The following CDH13 variants were observed in gnomAD, a reference collection of about 807,000 sequenced individuals.
CDH13 encodes the protein cadherin-13.
A neutral mutation model predicts 63.8 loss-of-function variants in CDH13; 24 were observed. The observed-to-expected ratio is 0.38, with a 90% confidence interval of 0.27 to 0.53. The LOEUF is 0.53. Ranked by LOEUF, CDH13 falls within the 20% of genes least tolerant of loss-of-function variation. The probability of loss-of-function intolerance (pLI) is 0.85; values close to 1 mark genes in which losing one functional copy is unlikely to be tolerated. For missense variants in CDH13, 1,049 were observed against 903.1 expected (o/e 1.16, Z -2.07); for synonymous variants, 503 against 355.3 (o/e 1.42, Z -4.67).
rs1409386291 is a variant in CDH13, at chr16:83,799,671, T to C, written c.*4641T>C. On this transcript the variant is annotated 3_prime_UTR_variant, in exon 14 of 14. Transcript: ENST00000567109. Reference sequence around the variant, plus strand: ...ATCTTTCATAAAGACCTCCATCTTCTCTCCTTAACTGACTGTTGAGATTTG... The same window carrying C: ...ATCTTTCATAAAGACCTCCATCTTCCCTCCTTAACTGACTGTTGAGATTTG... 1 of 152,218 alleles carries C rather than the reference T, an allele frequency of 6.6e-6. No individual in the cohort carries two copies. Among genetic ancestry groups the C allele is most frequent in the Non-Finnish European group, 1.5e-5 (1 of 68,044 alleles). The allele number at this position is 152,218 out of a possible 1,614,324, so 9.4% of individuals were successfully genotyped here. A position where few individuals can be genotyped will look rare whatever the true frequency, so the allele number is the denominator to read the frequency against.
chr16:83,434,453 C>T (rs148149592), intron 6 of CDH13, among the ~76,000 whole-genome samples: 206 of 152,208 alleles, frequency 1.4e-3, no homozygotes, highest in Admixed American at 4.6e-3. Flanking sequence ...GTGGTCCAGC[C>T]CTGCCACCTC....
intron 2 of CDH13, among the ~76,000 whole-genome samples, chr16:82,919,329 T>C (rs548822092): frequency 2.8e-4 from 43 of 152,286 alleles, no homozygotes; most frequent in African/African-American, 1.0e-3. Flanking sequence ...TAGTATCCAA[T>C]AGTTATTTTT....
intron 7 of CDH13, among the ~76,000 whole-genome samples, chr16:83,516,948 G>A (rs2151612902): frequency 6.6e-6 from 1 of 152,292 alleles, no homozygotes; most frequent in South Asian, 2.1e-4. Flanking sequence ...TGGCGGGAGT[G>A]AGAGCAAAAA....
At chr16:83,130,431 A>G (rs924119680) in intron 4 of CDH13, among the ~76,000 whole-genome samples, 3 of 152,228 alleles carry the variant, frequency 2.0e-5, no homozygotes, top group Admixed American at 6.5e-5. Flanking sequence ...GGAATGAAAT[A>G]TCTTCACTGA....
intron 1 of CDH13, among the ~76,000 whole-genome samples, chr16:82,691,508 T>C (rs1055757485): frequency 1.2e-4 from 18 of 152,322 alleles, no homozygotes; most frequent in African/African-American, 4.1e-4. Flanking sequence ...CCTTACTCAT[T>C]AATGCACCCT....
intron 3 of CDH13, among the ~76,000 whole-genome samples, chr16:83,056,034 A>G (rs913142921): frequency 6.6e-6 from 1 of 152,172 alleles, no homozygotes; most frequent in Admixed American, 6.5e-5. Context: ...CCAACTAACA[A>G]TGGAGGAAAT....
At chr16:82,761,102 C>A (rs2034834799) in intron 1 of CDH13, among the ~76,000 whole-genome samples, 1 of 134,988 alleles carries the variant, frequency 7.4e-6, no homozygotes, top group Non-Finnish European at 1.5e-5. Context: ...TAGCTCACTG[C>A]AACCTCTGCC....
intron 1 of CDH13, among the ~76,000 whole-genome samples, chr16:82,775,246 G>A (rs1374456054): frequency 6.6e-6 from 1 of 152,176 alleles, no homozygotes; most frequent in East Asian, 1.9e-4. Flanking sequence ...TCAGAACATA[G>A]TCAAAATGGG....
At chr16:83,260,407 T>C (rs1297607617) in intron 5 of CDH13, among the ~76,000 whole-genome samples, 1 of 152,192 alleles carries the variant, frequency 6.6e-6, no homozygotes, top group African/African-American at 2.4e-5. Flanking sequence ...AATTTTTTAT[T>C]AGTATCTATT....
chr16:83,556,306 A>G (rs1454228801), intron 7 of CDH13, among the ~76,000 whole-genome samples: 2 of 152,212 alleles, frequency 1.3e-5, no homozygotes, highest in Non-Finnish European at 2.9e-5. Context: ...ATGGTAAGGG[A>G]GATTCTGCAA....
At chr16:82,668,230 C>T (rs1016851276) in intron 1 of CDH13, among the ~76,000 whole-genome samples, 1 of 152,066 alleles carries the variant, frequency 6.6e-6, no homozygotes, top group Non-Finnish European at 1.5e-5. Context: ...TTGGTTGTTC[C>T]CCGTGTCCTA....
rs187003702 is a variant in CDH13, at chr16:83,170,312, C to G, written c.483+44811C>G. 1.3e-3 allele frequency among the ~76,000 whole-genome samples: 195 copies of G among 152,216 alleles called. 2 individuals are homozygous for G. Among genetic ancestry groups the G allele is most frequent in the African/African-American group, 4.5e-3 (189 of 41,558 alleles). ...CTCAGACTCCCACCCTACTTGTTTT[C>G]TCAAAGCTACTGTCACACTCTGGAT... On this transcript the variant is annotated intron_variant, in intron 4 of 13. Coordinates refer to ENST00000567109, the MANE Select transcript of CDH13 (RefSeq NM_001257.5).
intron 2 of CDH13, among the ~76,000 whole-genome samples, chr16:82,921,311 A>G (rs1021463715): frequency 2.0e-5 from 3 of 152,200 alleles, no homozygotes; most frequent in African/African-American, 7.2e-5. Flanking sequence ...TGCTTCTTCC[A>G]GCTTCTGGTG....
intron 2 of CDH13, among the ~76,000 whole-genome samples, chr16:82,901,133 C>A (rs1030433421): frequency 1.3e-5 from 2 of 149,384 alleles, no homozygotes; most frequent in African/African-American, 5.0e-5. Context: ...CTCCTGGAAT[C>A]TGTTTAGGGA....
chr16:83,123,752 T>A lies in CDH13; in HGVS notation c.367-1633T>A, dbSNP rs549535828. 5.8e-4 allele frequency among the ~76,000 whole-genome samples: 89 copies of A among 152,324 alleles called. No homozygotes were observed. The South Asian group carries it at 0.016, about 28-fold the overall frequency. ...TGGGATTGCTAGGTTGAATGGTAGT[T>A]CTGTTTTCAGTTCTTTGAGAAATCA... is the stretch of plus-strand genomic sequence containing the variant. On this transcript the variant is annotated intron_variant, in intron 3 of 13. Coordinates refer to ENST00000567109, the MANE Select transcript of CDH13 (RefSeq NM_001257.5).
intron 3 of CDH13, among the ~76,000 whole-genome samples, chr16:83,079,044 C>T (rs1192308476): frequency 1.3e-5 from 2 of 152,156 alleles, no homozygotes; most frequent in East Asian, 3.9e-4. Context: ...ATCTGCCTAC[C>T]TCAGCCTACG....
intron 1 of CDH13, among the ~76,000 whole-genome samples, chr16:82,692,807 C>T (rs577257578): frequency 4.4e-5 from 1 of 22,694 alleles, no homozygotes; most frequent in African/African-American, 1.0e-4. Context: ...AGGAGACCTG[C>T]ACAGGCATTT....
chr16:82,743,566 G>A (rs2034030100), intron 1 of CDH13, among the ~76,000 whole-genome samples: 1 of 152,152 alleles, frequency 6.6e-6, no homozygotes, highest in Non-Finnish European at 1.5e-5. Flanking sequence ...TGGAACAAAT[G>A]CTCCAGCAAA....
chr16:82,650,134 C>T (rs1303804794), intron 1 of CDH13, among the ~76,000 whole-genome samples: 2 of 152,194 alleles, frequency 1.3e-5, no homozygotes, highest in African/African-American at 2.4e-5. Flanking sequence ...CCTCTCCTGT[C>T]TTCCAGGGAG....
Sources: allele counts gnomAD v4.1 joint callset (sites outside exome capture counted in the v4.1 genomes callset), GRCh38; gene constraint gnomAD v4.1.1; transcripts MANE v1.5; gene names NCBI Gene and HGNC (gene_info 2026-07-23, HGNC 2026-07-21).